Variants in PRKG1 observed in about 807,000 individuals in gnomAD.
PRKG1 encodes the protein protein kinase cGMP-dependent 1.
In PRKG1, 35 loss-of-function variants were observed where a neutral mutation model predicts 88.1. That is an observed-to-expected ratio of 0.40 (90% CI 0.30 to 0.53). The LOEUF (loss-of-function observed/expected upper bound fraction) is 0.53, where lower values mean the gene tolerates loss of function less well. PRKG1 is among the 20% of genes least tolerant of loss of function. The pLI is 0.59. For missense variants in PRKG1, 540 were observed against 839.8 expected, an observed-to-expected ratio of 0.64 and a Z score of 4.41; for synonymous variants, 303 against 292.5, an observed-to-expected ratio of 1.04 and a Z score of -0.37.
At chr10:52,055,749 G>T (rs1339534430) in intron 6 of PRKG1, among the ~76,000 whole-genome samples, 2 of 152,146 alleles carry the variant, frequency 1.3e-5, no homozygotes, top group African/African-American at 4.8e-5. Context: ...GAAAGGAATT[G>T]ATAGGCCAGT....
At chr10:51,685,685 C>CA (rs1249504092) in intron 3 of PRKG1, among the ~76,000 whole-genome samples, 65 of 152,092 alleles carry the variant, frequency 4.3e-4, no homozygotes, top group African/African-American at 1.4e-3. Flanking sequence ...AAAGACTAGA[C>CA]AAAAAAGCTT....
chr10:51,390,838 G>T (rs932864202), intron 2 of PRKG1, among the ~76,000 whole-genome samples: 1 of 152,214 alleles, frequency 6.6e-6, no homozygotes, highest in East Asian at 1.9e-4. Context: ...TGTCATTACT[G>T]TTACCTACAG....
intron 2 of PRKG1, among the ~76,000 whole-genome samples, chr10:51,422,169 A>G (rs1343748066): frequency 1.3e-5 from 2 of 152,214 alleles, no homozygotes; most frequent in Non-Finnish European, 2.9e-5. Context: ...ATCTCCACAC[A>G]TCTCTATTTG....
At chr10:51,172,897 T>A (rs1275081436) in intron 2 of PRKG1, among the ~76,000 whole-genome samples, 1 of 152,036 alleles carries the variant, frequency 6.6e-6, no homozygotes, top group African/African-American at 2.4e-5. Flanking sequence ...GTATTCTAAG[T>A]TCCATGTGGG....
intron 2 of PRKG1, among the ~76,000 whole-genome samples, chr10:51,225,399 G>A (rs1838665978): frequency 6.6e-6 from 1 of 152,050 alleles, no homozygotes; most frequent in Admixed American, 6.6e-5. Flanking sequence ...GGAGACGTAG[G>A]TATTCAGTCC....
chr10:51,222,121 C>T (rs1240047642), intron 2 of PRKG1, among the ~76,000 whole-genome samples: 5 of 114,018 alleles, frequency 4.4e-5, no homozygotes, highest in African/African-American at 1.1e-4. Flanking sequence ...ACGTGATCCG[C>T]GCCCCCCCCC....
At chr10:52,140,618 A>G (rs890458508) in intron 8 of PRKG1, among the ~76,000 whole-genome samples, 42 of 152,276 alleles carry the variant, frequency 2.8e-4, no homozygotes, top group African/African-American at 9.9e-4. Flanking sequence ...GTTCTCTGCA[A>G]TAGTTATTTG....
At chr10:51,836,995 G>T (rs1440945334) in intron 4 of PRKG1, among the ~76,000 whole-genome samples, 1 of 152,148 alleles carries the variant, frequency 6.6e-6, no homozygotes, top group Non-Finnish European at 1.5e-5. Context: ...CATTCATTGA[G>T]TATACTTGGG....
chr10:52,015,103 C>T (rs1473723982), intron 5 of PRKG1, among the ~76,000 whole-genome samples: 1 of 152,236 alleles, frequency 6.6e-6, no homozygotes, highest in Non-Finnish European at 1.5e-5. Flanking sequence ...CCAATGGGGA[C>T]TCTGTGTGGG....
At chr10:51,672,480 A>G (rs1036547168) in intron 3 of PRKG1, among the ~76,000 whole-genome samples, 16 of 151,418 alleles carry the variant, frequency 1.1e-4, no homozygotes, top group Non-Finnish European at 2.2e-4. Context: ...TTTAATATTT[A>G]TAGTTTTTCT....
chr10:52,207,202 T>C (rs1839842178), intron 9 of PRKG1, among the ~76,000 whole-genome samples: 1 of 151,462 alleles, frequency 6.6e-6, no homozygotes. Context: ...GGAAAAACAG[T>C]GGGAAGGCTG....
intron 1 of PRKG1, among the ~76,000 whole-genome samples, chr10:51,045,876 T>C (rs1203875808): frequency 6.6e-6 from 1 of 152,244 alleles, no homozygotes; most frequent in Non-Finnish European, 1.5e-5. Context: ...ATACATAATT[T>C]TAAATCATCA....
chr10:51,930,318 T>C (rs910144316), intron 5 of PRKG1, among the ~76,000 whole-genome samples: 1 of 152,092 alleles, frequency 6.6e-6, no homozygotes, highest in Non-Finnish European at 1.5e-5. Context: ...ATGATGGCAA[T>C]GGTTGCATAA....
intron 3 of PRKG1, among the ~76,000 whole-genome samples, chr10:51,505,647 G>A (rs539605942): frequency 2.6e-4 from 40 of 152,194 alleles, no homozygotes; most frequent in African/African-American, 9.2e-4. Context: ...CTCAATTTCA[G>A]AGCCTGTTAT....
intron 5 of PRKG1, among the ~76,000 whole-genome samples, chr10:52,043,826 A>G (rs10823998): frequency 0.15 from 22,621 of 150,954 alleles, 1,773 homozygotes; most frequent in East Asian, 0.28. Context: ...TACATCAATT[A>G]AAAGAAAAAC....
At chr10:51,529,742 CTTAG>C (rs1311410690) in intron 3 of PRKG1, among the ~76,000 whole-genome samples, 2 of 152,040 alleles carry the variant, frequency 1.3e-5, no homozygotes, top group Non-Finnish European at 2.9e-5. Flanking sequence ...CTGAAATTAT[CTTAG>C]TTATTTGTTT....
At chr10:51,700,240 C>A (rs1210256262) in intron 3 of PRKG1, among the ~76,000 whole-genome samples, 1 of 152,196 alleles carries the variant, frequency 6.6e-6, no homozygotes, top group Non-Finnish European at 1.5e-5. Context: ...CCTATAACCG[C>A]TGTTAATGGA....
At chr10:51,649,844 T>G (rs1790232186) in intron 3 of PRKG1, among the ~76,000 whole-genome samples, 1 of 152,172 alleles carries the variant, frequency 6.6e-6, no homozygotes, top group Non-Finnish European at 1.5e-5. Flanking sequence ...TAGCCCGCAA[T>G]CAGTCTGATT....
intron 3 of PRKG1, among the ~76,000 whole-genome samples, chr10:51,641,679 G>A (rs1266510597): frequency 2.0e-5 from 3 of 152,024 alleles, no homozygotes; most frequent in South Asian, 2.1e-4. Flanking sequence ...GCAAAACCGC[G>A]ATGACTTTTG....
Sources: allele counts gnomAD v4.1 joint callset (sites outside exome capture counted in the v4.1 genomes callset), GRCh38; gene constraint gnomAD v4.1.1; transcripts MANE v1.5; gene names NCBI Gene and HGNC (gene_info 2026-07-23, HGNC 2026-07-21).